SCAMP1: variants seen among roughly 807,000 people sequenced by gnomAD.
SCAMP1 encodes the protein secretory carrier membrane protein 1, also known as secretory carrier-associated membrane protein 1.
In SCAMP1, 15 loss-of-function variants were observed where a neutral mutation model predicts 41.8. That is an observed-to-expected ratio of 0.36 (90% confidence interval 0.24 to 0.55). SCAMP1 has a LOEUF of 0.55. Among genes scored for constraint, SCAMP1 ranks in the 20% least tolerant of loss-of-function variants. The pLI, the probability that SCAMP1 is intolerant of heterozygous loss-of-function variation, is 0.86. For synonymous variants in SCAMP1, 135 were observed against 136.8 expected (o/e 0.99, Z 0.09); for missense variants, 341 against 412.6 (o/e 0.83, Z 1.50).
intron 2 of SCAMP1, among the ~76,000 whole-genome samples, chr5:78,409,422 T>TACACACACACACAC (rs59969661): frequency 2.7e-5 from 4 of 148,906 alleles, no homozygotes; most frequent in East Asian, 2.0e-4. Flanking sequence ...CACATATAGA[T>TACACACACACACAC]ACACACACAC....
chr5:78,463,746 A>G (rs1226823661), intron 8 of SCAMP1, among the ~76,000 whole-genome samples: 1 of 152,228 alleles, frequency 6.6e-6, no homozygotes, highest in East Asian at 1.9e-4. Context: ...GAGGGTAATG[A>G]AAGTATTCTA....
chr5:78,457,545 C>G (rs1419056955), intron 7 of SCAMP1, among the ~76,000 whole-genome samples: 1 of 152,090 alleles, frequency 6.6e-6, no homozygotes, highest in Non-Finnish European at 1.5e-5. Context: ...TGCCCGTTCT[C>G]AGATCTCCAG....
At chr5:78,394,093 AG>A (rs1170736782) in intron 2 of SCAMP1, among the ~76,000 whole-genome samples, 3 of 152,130 alleles carry the variant, frequency 2.0e-5, no homozygotes, top group Non-Finnish European at 2.9e-5. Context: ...TGTCACATAG[AG>A]CAGAGAGAAG....
intron 1 of SCAMP1, among the ~76,000 whole-genome samples, chr5:78,385,621 C>G (rs538496541): frequency 6.6e-6 from 1 of 152,118 alleles, no homozygotes; most frequent in Non-Finnish European, 1.5e-5. Flanking sequence ...TTTGCCATTT[C>G]CCAGCGGTTT....
chr5:78,467,600 C>A (rs1483826541), intron 8 of SCAMP1, among the ~76,000 whole-genome samples: 1 of 152,058 alleles, frequency 6.6e-6, no homozygotes. Context: ...GTTGTTTTTA[C>A]CTCATAGTTA....
Position 78,396,603 on chromosome 5 carries a change from C to T in SCAMP1, c.135+7689C>T, listed in dbSNP as rs146586839. Among the ~76,000 whole-genome samples, 899 of 152,164 alleles carry T rather than the reference C, an allele frequency of 5.9e-3. 4 individuals carry two copies. The highest frequency in any genetic ancestry group is 0.02 in the African/African-American group (847 of 41,502). On this transcript the variant is annotated intron_variant, in intron 2 of 8. Transcript: ENST00000621999. ...AAGATATACATGTGGGAATCATTGG[C>T]CCTTAGATGGTATTTAAAGGTATAA...
intron 1 of SCAMP1, among the ~76,000 whole-genome samples, chr5:78,369,432 GT>G (rs1750886805): frequency 6.6e-6 from 1 of 152,114 alleles, no homozygotes; most frequent in African/African-American, 2.4e-5. Flanking sequence ...TATCAAGTAA[GT>G]TTGCAGTGTT....
intron 6 of SCAMP1, among the ~76,000 whole-genome samples, chr5:78,448,816 C>T (rs963295776): frequency 2.0e-5 from 3 of 152,164 alleles, no homozygotes; most frequent in Non-Finnish European, 4.4e-5. Flanking sequence ...ACCTGACCAA[C>T]GTGGAGAAAC....
chr5:78,439,932 C>A (rs1752875226), intron 6 of SCAMP1, among the ~76,000 whole-genome samples: 3 of 151,738 alleles, frequency 2.0e-5, no homozygotes, highest in African/African-American at 7.2e-5. Flanking sequence ...TCTTTTTTCT[C>A]CAACACTTCA....
rs11453663 is a variant in SCAMP1, at chr5:78,480,048, GAA to G, written c.*4391_*4392del. 1.4e-5 allele frequency among the ~76,000 whole-genome samples: 2 copies of G among 145,454 alleles called. No homozygotes were observed. Among genetic ancestry groups the G allele is most frequent in the Non-Finnish European group, 1.5e-5 (1 of 65,674 alleles). ...GCGACAGAGCGAGACTCCATCTCAA[GAA>G]AAAAAAAAAAGAATTTTCATTAGTG... On this transcript the variant is annotated 3_prime_UTR_variant, in exon 9 of 9. Coordinates refer to ENST00000621999, the MANE Select transcript of SCAMP1 (RefSeq NM_004866.6).
intron 6 of SCAMP1, among the ~76,000 whole-genome samples, chr5:78,441,957 G>A (rs978640703): frequency 4.6e-5 from 7 of 152,096 alleles, no homozygotes; most frequent in African/African-American, 1.7e-4. Context: ...GGTGAAACCT[G>A]ATCTCTACAA....
intron 8 of SCAMP1, among the ~76,000 whole-genome samples, chr5:78,469,932 AC>A (rs1561290991): frequency 2.2e-3 from 35 of 15,704 alleles, no homozygotes; most frequent in Non-Finnish European, 2.8e-3. Context: ...AAAAAAAAAA[AC>A]AACAACACAG....
At chr5:78,444,823 A>G (rs545548570) in intron 6 of SCAMP1, among the ~76,000 whole-genome samples, 18 of 152,326 alleles carry the variant, frequency 1.2e-4, no homozygotes, top group African/African-American at 3.4e-4. Flanking sequence ...CTGTGTGCCT[A>G]TGCATTCCCA....
At chr5:78,375,662 T>A (rs962739760) in intron 1 of SCAMP1, among the ~76,000 whole-genome samples, 2 of 152,206 alleles carry the variant, frequency 1.3e-5, no homozygotes, top group Non-Finnish European at 2.9e-5. Context: ...TGCTACTGTG[T>A]TATATAAAAA....
rs1561290959 is a variant in SCAMP1, at chr5:78,469,919, AAAAAAAAAAAAAAC to A, written c.853-5582_853-5569del. 1.6e-3 allele frequency among the ~76,000 whole-genome samples: 37 copies of A among 23,736 alleles called. 3 individuals carry two copies. The highest frequency in any genetic ancestry group is 6.9e-3 in the African/African-American group (34 of 4,940). 15.6% of individuals were successfully genotyped at this position (23,736 alleles called of 152,430 possible). On this transcript the variant is annotated intron_variant, in intron 8 of 8. Transcript: ENST00000621999. ...AAAAAAAAAAAAAAAAAAACAAAAA[AAAAAAAAAAAAAAC>A]AACAACACAGCCCAGGCATGGTGGT...
At chr5:78,437,884 A>G (rs904320982) in intron 6 of SCAMP1, among the ~76,000 whole-genome samples, 21 of 152,176 alleles carry the variant, frequency 1.4e-4, no homozygotes, top group Non-Finnish European at 2.9e-4. Context: ...TATTGCCTCA[A>G]TTTCAGAGCC....
At chr5:78,442,337 C>G (rs547855674) in intron 6 of SCAMP1, among the ~76,000 whole-genome samples, 61 of 152,334 alleles carry the variant, frequency 4.0e-4, no homozygotes, top group African/African-American at 1.3e-3. Flanking sequence ...GTGGCTCTAT[C>G]TCTGCTCACT....
intron 6 of SCAMP1, among the ~76,000 whole-genome samples, chr5:78,425,700 T>G (rs987545312): frequency 2.6e-5 from 4 of 152,194 alleles, no homozygotes; most frequent in Non-Finnish European, 5.9e-5. Context: ...TGCCATTCCT[T>G]GATTTTGTTT....
At chr5:78,380,432 T>C (rs1273532480) in intron 1 of SCAMP1, among the ~76,000 whole-genome samples, 1 of 152,238 alleles carries the variant, frequency 6.6e-6, no homozygotes, top group African/African-American at 2.4e-5. Flanking sequence ...GAATGCCTGC[T>C]TCCTTACAGC....
Sources: allele counts gnomAD v4.1 joint callset (sites outside exome capture counted in the v4.1 genomes callset), GRCh38; gene constraint gnomAD v4.1.1; transcripts MANE v1.5; gene names NCBI Gene and HGNC (gene_info 2026-07-23, HGNC 2026-07-21).